TASOR2: variants seen among roughly 807,000 people sequenced by gnomAD.
TASOR2 encodes the protein protein TASOR 2.
In TASOR2, 84 loss-of-function variants were observed where a neutral mutation model predicts 199.5. The ratio of observed to expected loss-of-function variants is 0.42; its 90% confidence interval spans 0.35 to 0.50. The LOEUF is 0.50. Among genes scored for constraint, TASOR2 ranks in the 20% least tolerant of loss-of-function variants. The pLI, the probability that TASOR2 is intolerant of heterozygous loss-of-function variation, is 0.02. For missense variants in TASOR2, 2,796 were observed against 2,835.9 expected (o/e 0.99, Z 0.32); for synonymous variants, 1,103 against 1,046.6 (o/e 1.05, Z -1.04).
chr10:5,687,135 G>T lies in TASOR2; in HGVS notation c.-288+1960G>T, dbSNP rs577418898. Among the ~76,000 whole-genome samples, 1 of 152,200 alleles carries T rather than the reference G, an allele frequency of 6.6e-6. No individual in the cohort carries two copies. The highest frequency in any genetic ancestry group is 2.1e-4 in the South Asian group (1 of 4,828). ...ATATGTACTGACAAAGCGTATCTGT[G>T]TAATAAATATGCTTTTTGTCAGTAC... On this transcript the variant is annotated intron_variant, in intron 1 of 20. Coordinates refer to ENST00000328090, the Ensembl canonical transcript of TASOR2. This position sits in a 1 kb window ranked among gnomAD's most constrained non-coding sequence, Gnocchi z 4.8.
chr10:5,723,897 T>C, intron 7 of TASOR2, 120 bp downstream of exon 8: 1 of 529,162 alleles, frequency 1.9e-6, no homozygotes, highest in Non-Finnish European at 3.1e-6. Flanking sequence ...CTTAAAAGAG[T>C]CTTTTGTAAG....
At chr10:5,693,329 T>A (rs1176347661) in intron 1 of TASOR2, among the ~76,000 whole-genome samples, 2 of 152,204 alleles carry the variant, frequency 1.3e-5, no homozygotes, top group Non-Finnish European at 2.9e-5. Flanking sequence ...GGATTGCACA[T>A]TGACTTTGCG....
chr10:5,705,027 G>T (rs1472665580), intron 1 of TASOR2, among the ~76,000 whole-genome samples: 1 of 152,152 alleles, frequency 6.6e-6, no homozygotes, highest in Non-Finnish European at 1.5e-5. Context: ...ACAATAAAAT[G>T]AACATAATTT....
chr10:5,685,310 G>C lies in TASOR2; in HGVS notation c.-288+135G>C. 1 of 396,378 alleles carries C rather than the reference G, an allele frequency of 2.5e-6. No individual in the cohort carries two copies. Among genetic ancestry groups the C allele is most frequent in the Non-Finnish European group, 4.4e-6 (1 of 225,100 alleles). The allele number at this position is 396,378 out of a possible 1,614,324, so 24.6% of individuals were successfully genotyped here. ...TTCTCCTTGCCTTTTGCCGCGCTCC[G>C]GGTGAGGGGGTGGGAGGGGTCGGCG... On this transcript the variant is annotated intron_variant, in intron 1 of 20. Coordinates refer to ENST00000328090, the Ensembl canonical transcript of TASOR2. The surrounding 1 kb of genome is among the most constrained non-coding windows in gnomAD (Gnocchi z 5.4).
rs1319337549 is a variant in TASOR2, at chr10:5,689,519, G to A, written c.-288+4344G>A. Among the ~76,000 whole-genome samples, 6 of 152,064 alleles carry A rather than the reference G, an allele frequency of 3.9e-5. No homozygotes were observed. Among genetic ancestry groups the A allele is most frequent in the African/African-American group, 1.4e-4 (6 of 41,382 alleles). On this transcript the variant is annotated intron_variant, in intron 1 of 20. Coordinates refer to ENST00000328090, the Ensembl canonical transcript of TASOR2. The surrounding 1 kb of genome is among the most constrained non-coding windows in gnomAD (Gnocchi z 4.1). ...GGAGGCTGAGGCAGAAGAATTGCTT[G>A]AACTCGGGAGGCAGAGGTTGCAGTG...
intron 2 of TASOR2, among the ~76,000 whole-genome samples, chr10:5,716,181 T>G (rs2131558718): frequency 6.6e-6 from 1 of 152,300 alleles, no homozygotes; most frequent in African/African-American, 2.4e-5. Flanking sequence ...TGTCCAAACT[T>G]TATGCAGTCT....
exon 13 of TASOR2, chr10:5,739,837 A>T (rs61731327): frequency 0.012 from 19,441 of 1,614,164 alleles, 366 homozygotes; most frequent in African/African-American, 0.084. Context: ...GAGGCTAGAA[A>T]TCTTCACTGT....
chr10:5,684,996 G>A, exon 1 of TASOR2: 1 of 397,670 alleles, frequency 2.5e-6, no homozygotes, highest in Non-Finnish European at 4.4e-6. Flanking sequence ...CCGGGGCTGG[G>A]GCGGACGGCG....
intron 16 of TASOR2, among the ~76,000 whole-genome samples, 162 bp from the exon 18 acceptor site, chr10:5,757,358 T>G (rs1286576786): frequency 6.6e-6 from 1 of 152,210 alleles, no homozygotes; most frequent in African/African-American, 2.4e-5. Flanking sequence ...TGAGCTCAGT[T>G]AATATGCCTC....
intron 19 of TASOR2, among the ~76,000 whole-genome samples, chr10:5,762,112 C>G (rs1302011135): frequency 6.6e-6 from 1 of 152,044 alleles, no homozygotes; most frequent in Non-Finnish European, 1.5e-5. Flanking sequence ...CTCATCTCTA[C>G]AGAAGTTGGC....
In TASOR2 at chr10:5,740,461, A is replaced by C. The variant is rs532126337; in HGVS notation, c.2291A>C (p.Asn764Thr). 6.2e-7 allele frequency: 1 copy of C among 1,613,330 alleles called. No individual in the cohort carries two copies. The highest frequency in any genetic ancestry group is 1.3e-5 in the African/African-American group (1 of 74,920). The change falls in exon 13 of 21, where the codon AAC becomes ACC. Residue 764 changes from asparagine to threonine, a missense_variant. Coordinates refer to ENST00000328090, the Ensembl canonical transcript of TASOR2. This position sits in a 1 kb window ranked among gnomAD's most constrained non-coding sequence, Gnocchi z 5.3. Reference sequence around the variant, plus strand: ...AGTTTAGACAGCAAATATACCAACAACCCACTGGAGAAAACTGTAGTAAGA... The same window carrying C: ...AGTTTAGACAGCAAATATACCAACACCCCACTGGAGAAAACTGTAGTAAGA...
At position 5,750,550 on chromosome 10, in the gene TASOR2, A is replaced by G. The variant is rs779741910; in HGVS notation, c.6606+523A>G. On this transcript the variant is annotated intron_variant, in intron 15 of 20. Transcript: ENST00000328090. This position sits in a 1 kb window ranked among gnomAD's most constrained non-coding sequence, Gnocchi z 5.4. ...TTGATTGAACCTGTCTTGATTCACC[A>G]TTAACTTCATTGTTTTATCCTCCCA... is the stretch of plus-strand genomic sequence containing the variant. 6.6e-6 allele frequency among the ~76,000 whole-genome samples: 1 copy of G among 152,232 alleles called. No homozygotes were observed. The highest frequency in any genetic ancestry group is 6.5e-5 in the Admixed American group (1 of 15,282).
Position 5,685,928 on chromosome 10 carries a change from CG to C in TASOR2, c.-288+754del, listed in dbSNP as rs1324222772. 6.6e-6 allele frequency among the ~76,000 whole-genome samples: 1 copy of C among 152,148 alleles called. No individual in the cohort carries two copies. Among genetic ancestry groups the C allele is most frequent in the African/African-American group, 2.4e-5 (1 of 41,410 alleles). ...GTGTATCCAAAACTTAAATATGTGG[CG>C]TACAAGTGTATGGTATTATTGGAAT... On this transcript the variant is annotated intron_variant, in intron 1 of 20. Coordinates refer to ENST00000328090, the Ensembl canonical transcript of TASOR2. The surrounding 1 kb of genome is among the most constrained non-coding windows in gnomAD (Gnocchi z 5.4).
At chr10:5,762,307 T>G (rs11255067) in intron 19 of TASOR2, among the ~76,000 whole-genome samples, 1 of 151,268 alleles carries the variant, frequency 6.6e-6, no homozygotes, top group Non-Finnish European at 1.5e-5. Context: ...ACCATAGTTA[T>G]CATTTTTCAG....
Position 5,742,272 on chromosome 10 carries a change from C to A in TASOR2, c.2503C>A (p.Leu835Ile). The change falls in exon 14 of 21, where the codon CTC becomes ATC. Residue 835 changes from leucine to isoleucine, a missense_variant. Transcript: ENST00000328090. This position sits in a 1 kb window ranked among gnomAD's most constrained non-coding sequence, Gnocchi z 4.2. ...AAATAGCACGTTAGAATCTTGTGAG[C>A]TCCGTGAAATTGAGGAGTCCCTTGG... The A allele has an allele frequency of 6.2e-7, 1 of 1,614,156 alleles. No homozygotes were observed.
chr10:5,724,595 G>A, intron 8 of TASOR2, 62 bp downstream of exon 9: 1 of 337,072 alleles, frequency 3.0e-6, no homozygotes, highest in Non-Finnish European at 4.9e-6. Flanking sequence ...TATATTAGTT[G>A]TGCCTAGATG....
In TASOR2 at chr10:5,699,023, A is replaced by C. The variant is rs1279000582; in HGVS notation, c.-287-13800A>C. Reference sequence around the variant, plus strand: ...TGAAAACATGTTCACATAAAAACTTATACATGAATGCTCATAGCATAATTA... The same window carrying C: ...TGAAAACATGTTCACATAAAAACTTCTACATGAATGCTCATAGCATAATTA... On this transcript the variant is annotated intron_variant, in intron 1 of 20. Transcript: ENST00000328090. The surrounding 1 kb of genome is among the most constrained non-coding windows in gnomAD (Gnocchi z 4.1). Among the ~76,000 whole-genome samples the C allele has an allele frequency of 1.3e-5, 2 of 152,230 alleles. No individual in the cohort carries two copies. Among genetic ancestry groups the C allele is most frequent in the African/African-American group, 4.8e-5 (2 of 41,474 alleles).
rs1838684748 is a variant in TASOR2, at chr10:5,754,969, C to A, written c.6607-1644C>A. On this transcript the variant is annotated intron_variant, in intron 15 of 20. Transcript: ENST00000328090. The surrounding 1 kb of genome is among the most constrained non-coding windows in gnomAD (Gnocchi z 4.3). Reference sequence around the variant, plus strand: ...GCTGAGGCAGGAGAATGGCGTGAACCCGGGAGGCAGAGCTTGCAGTGAGCC... The same window carrying A: ...GCTGAGGCAGGAGAATGGCGTGAACACGGGAGGCAGAGCTTGCAGTGAGCC... Among the ~76,000 whole-genome samples the A allele has an allele frequency of 6.7e-6, 1 of 149,114 alleles. No individual in the cohort carries two copies. Among genetic ancestry groups the A allele is most frequent in the Non-Finnish European group, 1.5e-5 (1 of 67,556 alleles).
Position 5,685,187 on chromosome 10 carries a change from C to T in TASOR2, c.-288+12C>T, listed in dbSNP as rs1318566280. 9 of 397,854 alleles carry T rather than the reference C, an allele frequency of 2.3e-5. No homozygotes were observed. The highest frequency in any genetic ancestry group is 4.0e-5 in the Non-Finnish European group (9 of 225,544). 24.6% of individuals were successfully genotyped at this position (397,854 alleles called of 1,614,324 possible). On this transcript the variant is annotated intron_variant, in intron 1 of 20. Coordinates refer to ENST00000328090, the Ensembl canonical transcript of TASOR2. This position sits in a 1 kb window ranked among gnomAD's most constrained non-coding sequence, Gnocchi z 5.4. ...CACGCCAAGGACGGGTAAGTCCCTC[C>T]TCGGCCTGGGCGCCCGGGAACCCTG...
Sources: allele counts gnomAD v4.1 joint callset (sites outside exome capture counted in the v4.1 genomes callset), GRCh38; gene constraint gnomAD v4.1.1; non-coding constraint Gnocchi (gnomAD v3.1); transcripts MANE v1.5; gene names NCBI Gene and HGNC (gene_info 2026-07-23, HGNC 2026-07-21).